The following CALCR variants were observed in gnomAD, a reference collection of about 807,000 sequenced individuals.
CALCR encodes the protein calcitonin receptor.
Under a neutral mutation model 59.5 loss-of-function variants are expected in CALCR, and 47 were observed. The ratio of observed to expected loss-of-function variants is 0.79; its 90% CI spans 0.63 to 1.01. The LOEUF (loss-of-function observed/expected upper bound fraction) is 1.01. Ranked by LOEUF, CALCR falls within the 50% of genes least tolerant of loss-of-function variation. CALCR has a pLI of 0.00. For synonymous variants in CALCR, 213 were observed against 211.3 expected (o/e 1.01, Z -0.07); for missense variants, 566 against 597.1 (o/e 0.95, Z 0.54).
intron 2 of CALCR, among the ~76,000 whole-genome samples, chr7:93,507,365 G>C (rs949498850): frequency 6.6e-6 from 1 of 152,016 alleles, no homozygotes; most frequent in Admixed American, 6.6e-5. Context: ...ATTAGTTTAG[G>C]AGCAGTACTT....
chr7:93,537,910 C>T (rs144473363), intron 2 of CALCR, among the ~76,000 whole-genome samples: 372 of 151,844 alleles, frequency 2.4e-3, no homozygotes, highest in African/African-American at 8.6e-3. Context: ...TTTATGGTAT[C>T]CCATTCATAA....
At chr7:93,532,858 A>AAAAAAAAAAAAAAAAAAAAAAAAAG (rs1404219358) in intron 2 of CALCR, among the ~76,000 whole-genome samples, 1 of 138,626 alleles carries the variant, frequency 7.2e-6, no homozygotes, top group African/African-American at 2.5e-5. Flanking sequence ...AAAAAAAAAA[A>AAAAAAAAAAAAAAAAAAAAAAAAAG]AAAAATACTT....
At chr7:93,524,863 T>C (rs1276691423) in intron 2 of CALCR, among the ~76,000 whole-genome samples, 3 of 152,180 alleles carry the variant, frequency 2.0e-5, no homozygotes, top group East Asian at 3.9e-4. Context: ...CCCTACTGGT[T>C]TCTACTACAA....
chr7:93,530,106 C>T (rs1019888564), intron 2 of CALCR, among the ~76,000 whole-genome samples: 1 of 152,068 alleles, frequency 6.6e-6, no homozygotes, highest in Non-Finnish European at 1.5e-5. Context: ...AAAAGAGCTC[C>T]TTCCAATTAT....
intron 2 of CALCR, among the ~76,000 whole-genome samples, chr7:93,530,919 C>T (rs942827118): frequency 6.6e-6 from 1 of 152,066 alleles, no homozygotes; most frequent in South Asian, 2.1e-4. Context: ...TGCAAATTCT[C>T]TGGCATCACT....
At chr7:93,443,480 G>T in intron 9 of CALCR, 124 bp downstream of exon 9, 2 of 854,622 alleles carry the variant, frequency 2.3e-6, no homozygotes, top group South Asian at 1.8e-5. Context: ...CAGTACCTGT[G>T]TTCCATCATT....
At chr7:93,450,164 G>T (rs1481778198) in intron 8 of CALCR, among the ~76,000 whole-genome samples, 7 of 151,944 alleles carry the variant, frequency 4.6e-5, no homozygotes, top group Admixed American at 4.6e-4. Flanking sequence ...CATTACTCAA[G>T]TGTTAAACAA....
intron 11 of CALCR, 125 bp downstream of exon 11, chr7:93,437,935 T>C: frequency 1.1e-6 from 1 of 913,302 alleles, no homozygotes; most frequent in Non-Finnish European, 1.7e-6. Flanking sequence ...TTTTTTTTAC[T>C]ACAGAATACC....
chr7:93,488,985 T>C lies in CALCR; in HGVS notation c.-26-1978A>G, dbSNP rs533994144. Among the ~76,000 whole-genome samples, 6 of 151,780 alleles carry C rather than the reference T, an allele frequency of 4.0e-5. No individual in the cohort carries two copies. In the East Asian group the frequency reaches 1.2e-3, roughly 30 times the overall value. ...CATTCTTCTCAGTACCACATGGAAC[T>C]TATTCTAAAATCGACCACATAATTG... On this transcript the variant is annotated intron_variant, in intron 2 of 13. Transcript: ENST00000426151.
At chr7:93,477,524 T>C (rs1431368163) in intron 5 of CALCR, 34 bp downstream of exon 5, 4 of 1,422,120 alleles carry the variant, frequency 2.8e-6, no homozygotes, top group East Asian at 2.3e-5. Flanking sequence ...AAAAGCTTCA[T>C]AGCAAGAACA....
chr7:93,568,888 T>C (rs1789933352), intron 2 of CALCR, among the ~76,000 whole-genome samples: 1 of 152,064 alleles, frequency 6.6e-6, no homozygotes, highest in Non-Finnish European at 1.5e-5. Flanking sequence ...TTATTTTTTT[T>C]TCCTCCAAAT....
intron 2 of CALCR, among the ~76,000 whole-genome samples, chr7:93,515,642 G>A (rs753519198): frequency 6.6e-6 from 1 of 151,908 alleles, no homozygotes; most frequent in Non-Finnish European, 1.5e-5. Flanking sequence ...ACAATTGAGT[G>A]TCTCAAAAGT....
chr7:93,522,051 T>C (rs1031173929), intron 2 of CALCR, among the ~76,000 whole-genome samples: 3 of 152,204 alleles, frequency 2.0e-5, no homozygotes, highest in African/African-American at 7.2e-5. Flanking sequence ...TCCATAATTA[T>C]AAGTATGTAA....
intron 2 of CALCR, among the ~76,000 whole-genome samples, chr7:93,551,500 T>C (rs1789458192): frequency 6.6e-6 from 1 of 152,218 alleles, no homozygotes; most frequent in Non-Finnish European, 1.5e-5. Flanking sequence ...TTACAGGTTT[T>C]TTTAGTGCCA....
At chr7:93,427,557 C>T (rs906666581) in intron 13 of CALCR, among the ~76,000 whole-genome samples, 27 of 152,230 alleles carry the variant, frequency 1.8e-4, no homozygotes, top group African/African-American at 6.5e-4. Flanking sequence ...CATATGACAG[C>T]TAAACACATG....
intron 2 of CALCR, among the ~76,000 whole-genome samples, chr7:93,561,753 C>T (rs994755305): frequency 1.3e-5 from 2 of 152,054 alleles, no homozygotes; most frequent in Non-Finnish European, 2.9e-5. Context: ...CGTGGATCAG[C>T]ATGGATCATT....
At chr7:93,502,200 C>A (rs1235985533) in intron 2 of CALCR, among the ~76,000 whole-genome samples, 1 of 151,974 alleles carries the variant, frequency 6.6e-6, no homozygotes, top group African/African-American at 2.4e-5. Flanking sequence ...AGAAGCCAGG[C>A]AATTTATACA....
Position 93,443,770 on chromosome 7 carries a change from A to G in CALCR, c.649-13T>C. ...TCTTGCAGCTCACCTGTCAGAAAGAAAGGAAGATACTCAGAGAAAGACACA... is the reference window on the plus strand; with the variant it reads ...TCTTGCAGCTCACCTGTCAGAAAGAGAGGAAGATACTCAGAGAAAGACACA... On this transcript the variant is annotated splice_polypyrimidine_tract_variant and intron_variant, in intron 8 of 13. Transcript: ENST00000426151. The G allele has an allele frequency of 1.2e-6, 2 of 1,610,988 alleles. No individual in the cohort carries two copies. Among genetic ancestry groups the G allele is most frequent in the Non-Finnish European group, 1.7e-6 (2 of 1,177,838 alleles).
chr7:93,480,050 T>C (rs564315874), intron 3 of CALCR, among the ~76,000 whole-genome samples: 150 of 152,040 alleles, frequency 9.9e-4, no homozygotes, highest in Non-Finnish European at 1.4e-3. Flanking sequence ...TAATTGACCA[T>C]AATCTCCTTA....
Sources: allele counts gnomAD v4.1 joint callset (sites outside exome capture counted in the v4.1 genomes callset), GRCh38; gene constraint gnomAD v4.1.1; transcripts MANE v1.5; gene names NCBI Gene and HGNC (gene_info 2026-07-23, HGNC 2026-07-21).